Variants in HHAT observed in about 807,000 individuals in gnomAD.
HHAT encodes the protein hedgehog acyltransferase, also known as protein-cysteine N-palmitoyltransferase HHAT.
HHAT carries 47 observed loss-of-function variants against 70.8 expected under a neutral mutation model. The observed-to-expected ratio is 0.66, with a 90% confidence interval of 0.53 to 0.85. The LOEUF (loss-of-function observed/expected upper bound fraction) is 0.85. Among genes scored for constraint, HHAT ranks in the 40% least tolerant of loss-of-function variants. The pLI is 0.00. For synonymous variants in HHAT, 228 were observed against 247.6 expected (o/e 0.92, Z 0.74); for missense variants, 609 against 604.8 (o/e 1.01, Z -0.07).
At chr1:210,644,465 T>C (rs1356239433) in intron 11 of HHAT, among the ~76,000 whole-genome samples, 1 of 151,598 alleles carries the variant, frequency 6.6e-6, no homozygotes, top group African/African-American at 2.4e-5. Flanking sequence ...TAGCTAGGCG[T>C]GGTGGTGGGC....
intron 7 of HHAT, among the ~76,000 whole-genome samples, chr1:210,450,372 A>C (rs2093727242): frequency 1.3e-5 from 2 of 152,084 alleles, no homozygotes; most frequent in Admixed American, 6.5e-5. Flanking sequence ...TGTATGGAAG[A>C]TCTGCATAGA....
At chr1:210,411,155 G>A (rs1256645308) in intron 6 of HHAT, among the ~76,000 whole-genome samples, 1 of 152,134 alleles carries the variant, frequency 6.6e-6, no homozygotes, top group Non-Finnish European at 1.5e-5. Context: ...GGGTGTCAGC[G>A]ATATTTTCTT....
At chr1:210,605,344 C>G (rs1409906250) in intron 10 of HHAT, among the ~76,000 whole-genome samples, 1 of 152,154 alleles carries the variant, frequency 6.6e-6, no homozygotes, top group Non-Finnish European at 1.5e-5. Flanking sequence ...GGATTTCAGA[C>G]TAGAAGAATC....
At chr1:210,526,092 G>A (rs962612301) in intron 9 of HHAT, among the ~76,000 whole-genome samples, 1 of 152,166 alleles carries the variant, frequency 6.6e-6, no homozygotes, top group Admixed American at 6.5e-5. Flanking sequence ...GTGGGAAGAG[G>A]TGGGACCTGG....
At chr1:210,482,055 G>A (rs1029106570) in intron 8 of HHAT, among the ~76,000 whole-genome samples, 2 of 152,146 alleles carry the variant, frequency 1.3e-5, no homozygotes, top group African/African-American at 4.8e-5. Flanking sequence ...TCTTTGGTTT[G>A]TATCTGAGTT....
intron 10 of HHAT, among the ~76,000 whole-genome samples, chr1:210,594,717 C>T (rs1405662740): frequency 6.6e-6 from 1 of 152,146 alleles, no homozygotes; most frequent in East Asian, 1.9e-4. Flanking sequence ...CTGCCGTTGG[C>T]ATTTCTTGTT....
intron 8 of HHAT, among the ~76,000 whole-genome samples, chr1:210,481,083 G>A (rs896605243): frequency 1.1e-4 from 17 of 152,016 alleles, no homozygotes; most frequent in Non-Finnish European, 1.8e-4. Flanking sequence ...GATATGGTGT[G>A]TTAGGATGTG....
intron 9 of HHAT, among the ~76,000 whole-genome samples, chr1:210,541,585 G>A (rs1183247569): frequency 1.3e-5 from 2 of 152,136 alleles, no homozygotes; most frequent in Non-Finnish European, 2.9e-5. Flanking sequence ...AAATTAGCTG[G>A]GTGTGGTGGC....
chr1:210,544,653 A>T (rs1024123241), intron 9 of HHAT, among the ~76,000 whole-genome samples: 1 of 152,118 alleles, frequency 6.6e-6, no homozygotes, highest in Admixed American at 6.5e-5. Context: ...GATTATAGGC[A>T]TGAGCCACCA....
intron 7 of HHAT, 67 bp from the exon 8 acceptor site, chr1:210,464,438 G>A (rs2094051795): frequency 6.5e-7 from 1 of 1,535,880 alleles, no homozygotes; most frequent in Non-Finnish European, 9.0e-7. Context: ...CTCCTGGGGT[G>A]TTGGTCTCCT....
intron 11 of HHAT, among the ~76,000 whole-genome samples, chr1:210,642,370 G>GT (rs1370890147): frequency 6.6e-6 from 1 of 152,134 alleles, no homozygotes; most frequent in Non-Finnish European, 1.5e-5. Context: ...TTTCTGTTGA[G>GT]TATATACTCA....
intron 3 of HHAT, among the ~76,000 whole-genome samples, chr1:210,386,257 G>C (rs1478322137): frequency 1.0e-4 from 1 of 9,964 alleles, no homozygotes; most frequent in Non-Finnish European, 2.6e-4. Flanking sequence ...TTTTTTTTTT[G>C]AGACAGAGTC....
intron 9 of HHAT, among the ~76,000 whole-genome samples, chr1:210,516,041 G>T (rs1019383440): frequency 3.3e-5 from 5 of 151,832 alleles, no homozygotes; most frequent in African/African-American, 1.2e-4. Flanking sequence ...CTATACTCCA[G>T]CCTGGGTGAC....
chr1:210,370,073 T>C (rs768641548), intron 3 of HHAT, among the ~76,000 whole-genome samples: 2 of 151,708 alleles, frequency 1.3e-5, no homozygotes, highest in Non-Finnish European at 2.9e-5. Flanking sequence ...TGCATACACA[T>C]ATACACACAC....
chr1:210,523,250 T>C (rs2095188480), intron 9 of HHAT, among the ~76,000 whole-genome samples: 1 of 152,168 alleles, frequency 6.6e-6, no homozygotes, highest in Non-Finnish European at 1.5e-5. Flanking sequence ...CCACTGCCAC[T>C]TGGGACCAAA....
chr1:210,605,219 C>T (rs1665140103), intron 10 of HHAT, among the ~76,000 whole-genome samples: 1 of 152,144 alleles, frequency 6.6e-6, no homozygotes, highest in Non-Finnish European at 1.5e-5. Flanking sequence ...TCCAGTGTTA[C>T]AGATGTTACA....
chr1:210,643,725 C>CA (rs1673431655), intron 11 of HHAT, among the ~76,000 whole-genome samples: 1 of 151,528 alleles, frequency 6.6e-6, no homozygotes, highest in African/African-American at 2.4e-5. Flanking sequence ...TTTTAACCAC[C>CA]AGACAACTTT....
intron 9 of HHAT, among the ~76,000 whole-genome samples, chr1:210,520,597 TAAC>T (rs1259293770): frequency 1.3e-5 from 2 of 152,210 alleles, no homozygotes; most frequent in Non-Finnish European, 2.9e-5. Flanking sequence ...TTAAAGCTGA[TAAC>T]AACTTAACTT....
At chr1:210,362,600 C>T (rs1297905815) in intron 2 of HHAT, among the ~76,000 whole-genome samples, 1 of 152,218 alleles carries the variant, frequency 6.6e-6, no homozygotes, top group Non-Finnish European at 1.5e-5. Context: ...GGAAACTCTT[C>T]TCCTTTGCTG....
Sources: gnomAD v4.1 joint callset for allele counts (sites outside exome capture counted in the v4.1 genomes callset) on GRCh38, gnomAD v4.1.1 for gene constraint, MANE v1.5 for transcripts, NCBI Gene and HGNC (gene_info 2026-07-23, HGNC 2026-07-21) for gene names.